FRMD7: variants seen among roughly 807,000 people sequenced by gnomAD.
FRMD7 encodes the protein FERM domain-containing protein 7.
FRMD7 carries 14 observed loss-of-function variants against 44.1 expected under a neutral mutation model. The ratio of observed to expected loss-of-function variants is 0.32; its 90% CI spans 0.21 to 0.50. The LOEUF (loss-of-function observed/expected upper bound fraction) is 0.50, where lower values mean the gene tolerates loss of function less well. Ranked by LOEUF, FRMD7 falls within the 20% of genes least tolerant of loss-of-function variation. The probability of loss-of-function intolerance (pLI) is 0.99; values close to 1 mark genes in which losing one functional copy is unlikely to be tolerated. For synonymous variants in FRMD7, 212 were observed against 187.4 expected (o/e 1.13, Z -1.07); for missense variants, 501 against 522.3 (o/e 0.96, Z 0.40).
At chrX:132,118,875 C>T (rs1928968722) in intron 1 of FRMD7, among the ~76,000 whole-genome samples, 1 of 110,919 alleles carries the variant, frequency 9.0e-6, no homozygotes, top group Non-Finnish European at 1.9e-5. Context: ...CCCCCAACTC[C>T]CCAACACATA....
At chrX:132,118,256 C>A (rs1429695908) in intron 1 of FRMD7, among the ~76,000 whole-genome samples, 2 of 110,923 alleles carry the variant, frequency 1.8e-5, no homozygotes, top group African/African-American at 3.3e-5. Context: ...CCTTGCTGAA[C>A]CTTGATTTCT....
At chrX:132,118,305 A>G (rs1464602573) in intron 1 of FRMD7, among the ~76,000 whole-genome samples, 1 of 111,144 alleles carries the variant, frequency 9.0e-6, no homozygotes, top group South Asian at 3.8e-4. Flanking sequence ...GTGTTGCAGA[A>G]TTTTGCTCCT....
rs758369717 is a variant in FRMD7, at chrX:132,085,742, G to A, written c.498-14C>T. ...GGGCTCCTGCCACTGAAAGGGGAAA[G>A]AATTTATGAGCCTAATAAATGCCTC... On this transcript the variant is annotated splice_polypyrimidine_tract_variant and intron_variant, in intron 6 of 11. Coordinates refer to ENST00000298542, the MANE Select transcript of FRMD7 (RefSeq NM_194277.3). 8.3e-7 allele frequency: 1 copy of A among 1,201,527 alleles called. No homozygotes were observed. The highest frequency in any genetic ancestry group is 1.1e-6 in the Non-Finnish European group (1 of 886,265).
intron 4 of FRMD7, among the ~76,000 whole-genome samples, chrX:132,094,749 G>T (rs906580383): frequency 8.9e-6 from 1 of 111,812 alleles, no homozygotes; most frequent in Admixed American, 9.5e-5. Context: ...CCCTGCTTCT[G>T]CCTGTTATTC....
intron 1 of FRMD7, among the ~76,000 whole-genome samples, chrX:132,127,399 C>G (rs752039019): frequency 8.9e-6 from 1 of 111,982 alleles, no homozygotes; most frequent in Non-Finnish European, 1.9e-5. Flanking sequence ...GGATAGCTTC[C>G]CCCACTCCTT....
At chrX:132,086,573 C>T (rs1387078962) in intron 5 of FRMD7, among the ~76,000 whole-genome samples, 3 of 109,046 alleles carry the variant, frequency 2.8e-5, no homozygotes, top group Non-Finnish European at 3.8e-5. Flanking sequence ...CACAGAGAGA[C>T]ACCAGGGATG....
chrX:132,095,299 T>C (rs1373310561), intron 4 of FRMD7, among the ~76,000 whole-genome samples: 1 of 109,859 alleles, frequency 9.1e-6, no homozygotes, highest in Non-Finnish European at 1.9e-5. Flanking sequence ...TTCACCATGT[T>C]GGCCAGGCTG....
chrX:132,078,512 G>A lies in FRMD7; in HGVS notation c.1505C>T (p.Pro502Leu), dbSNP rs192322553. Residue 502 changes from proline (P) to leucine (L), a missense_variant, in exon 12 of 12, where the codon CCA becomes CTA. Around this residue, in one of 3 missense-constraint regions of FRMD7, gnomAD observed 453 missense variants for 452.7 expected, o/e 1.00. Coordinates refer to ENST00000298542, the MANE Select transcript of FRMD7 (RefSeq NM_194277.3). ...TGGGGACCATCTGGGCACCTGGGGTGGCTTGTCCACATAAAAAAAGACCTG... is the reference window on the plus strand; with the variant it reads ...TGGGGACCATCTGGGCACCTGGGGTAGCTTGTCCACATAAAAAAAGACCTG... ...PPQVFFYVDKPPQVPRWSPIR... is the reference protein window; with the variant it reads ...PPQVFFYVDKLPQVPRWSPIR... 5.4e-5 allele frequency: 65 copies of A among 1,208,797 alleles called. No homozygotes were observed. Among genetic ancestry groups the A allele is most frequent in the South Asian group, 1.8e-4 (10 of 56,763 alleles).
intron 1 of FRMD7, among the ~76,000 whole-genome samples, chrX:132,112,291 A>T (rs1010294954): frequency 1.3e-4 from 14 of 111,913 alleles, no homozygotes; most frequent in Non-Finnish European, 2.1e-4. Flanking sequence ...ATTACCAGGT[A>T]GCAGCGGTTC....
chrX:132,093,283 A>T (rs762615674), intron 5 of FRMD7, among the ~76,000 whole-genome samples: 1 of 112,716 alleles, frequency 8.9e-6, no homozygotes, highest in East Asian at 2.8e-4. Context: ...GATACAAAAA[A>T]TGAAGTTATG....
At chrX:132,111,813 TTA>T (rs1928784544) in intron 1 of FRMD7, among the ~76,000 whole-genome samples, 2 of 111,997 alleles carry the variant, frequency 1.8e-5, no homozygotes, top group Non-Finnish European at 3.8e-5. Context: ...TTATGCTGAT[TTA>T]ATTTTAGCCA....
At chrX:132,120,563 T>A (rs1929009736) in intron 1 of FRMD7, among the ~76,000 whole-genome samples, 1 of 112,788 alleles carries the variant, frequency 8.9e-6, no homozygotes, top group Non-Finnish European at 1.9e-5. Flanking sequence ...CTCAAATGTT[T>A]TTGCGTTCGG....
intron 8 of FRMD7, among the ~76,000 whole-genome samples, chrX:132,083,818 C>T (rs1427398514): frequency 9.0e-6 from 1 of 111,142 alleles, no homozygotes; most frequent in Admixed American, 9.6e-5. Context: ...TAAAAATTAG[C>T]GAAGTGTGGT....
chrX:132,127,977 G>A lies in FRMD7; in HGVS notation c.-133C>T. On this transcript the variant is annotated 5_prime_UTR_variant, in exon 1 of 12. Transcript: ENST00000298542. ...GCCAGGCATTCCCACTGTCAGCGGG[G>A]CACACTTCCGTTTGCTTGAAGTAAT... The A allele has an allele frequency of 1.8e-6, 1 of 558,205 alleles. No homozygotes were observed. The highest frequency in any genetic ancestry group is 2.4e-5 in the South Asian group (1 of 41,825). 46.0% of individuals were successfully genotyped at this position (558,205 alleles called of 1,213,427 possible).
chrX:132,119,709 CA>C (rs983964413), intron 1 of FRMD7, among the ~76,000 whole-genome samples: 4 of 111,304 alleles, frequency 3.6e-5, no homozygotes, highest in African/African-American at 1.3e-4. Flanking sequence ...TAGAACCAGG[CA>C]AGCTATATAC....
At chrX:132,103,524 C>G (rs1234858363) in intron 1 of FRMD7, among the ~76,000 whole-genome samples, 3 of 109,920 alleles carry the variant, frequency 2.7e-5, no homozygotes, top group Non-Finnish European at 5.7e-5. Context: ...ATCTATCTAT[C>G]TATCTATCTC....
chrX:132,089,726 G>C (rs1928108216), intron 5 of FRMD7, among the ~76,000 whole-genome samples: 1 of 112,118 alleles, frequency 8.9e-6, no homozygotes, highest in Non-Finnish European at 1.9e-5. Flanking sequence ...ATAAGCACAT[G>C]AAACTGTGCT....
chrX:132,100,799 A>G (rs1382032670), intron 1 of FRMD7, 83 bp from the exon 2 acceptor site: 1 of 673,348 alleles, frequency 1.5e-6, no homozygotes, highest in Non-Finnish European at 2.4e-6. Context: ...AAGCCACAAG[A>G]CTCTCTGCAA....
intron 1 of FRMD7, among the ~76,000 whole-genome samples, chrX:132,117,873 T>G (rs1213659299): frequency 1.8e-5 from 2 of 112,484 alleles, no homozygotes; most frequent in Non-Finnish European, 3.8e-5. Flanking sequence ...TACATGTATC[T>G]TTACATAAAA....
Sources: gnomAD v4.1 joint callset for allele counts (sites outside exome capture counted in the v4.1 genomes callset) on GRCh38, gnomAD v4.1.1 for gene constraint, gnomAD v4.1.1 regional missense constraint, MANE v1.5 for transcripts, NCBI Gene and HGNC (gene_info 2026-07-23, HGNC 2026-07-21) for gene names.